KCNMB2: variants seen among roughly 807,000 people sequenced by gnomAD.
KCNMB2 encodes the protein calcium-activated potassium channel subunit beta-2.
In KCNMB2, 9 loss-of-function variants were observed where a neutral mutation model predicts 24.5. The observed-to-expected ratio is 0.37, with a 90% CI of 0.22 to 0.64. KCNMB2 has a LOEUF of 0.64. Among genes scored for constraint, KCNMB2 ranks in the 30% least tolerant of loss-of-function variants. KCNMB2 has a pLI of 0.63. For missense variants in KCNMB2, 226 were observed against 284.3 expected (o/e 0.79, Z 1.47); for synonymous variants, 109 against 104.4 (o/e 1.04, Z -0.27).
At chr3:178,585,765 T>C (rs1179279958) in intron 1 of KCNMB2, among the ~76,000 whole-genome samples, 1 of 152,196 alleles carries the variant, frequency 6.6e-6, no homozygotes, top group East Asian at 1.9e-4. Flanking sequence ...ATAATGCTAG[T>C]TTTCTAGGGC....
At chr3:178,748,662 T>C (rs1218845617) in intron 1 of KCNMB2, among the ~76,000 whole-genome samples, 3 of 152,246 alleles carry the variant, frequency 2.0e-5, no homozygotes, top group Non-Finnish European at 4.4e-5. Context: ...GGAAATATTC[T>C]GAACTTTATG....
intron 1 of KCNMB2, among the ~76,000 whole-genome samples, chr3:178,730,831 C>T (rs1272669756): frequency 6.6e-6 from 1 of 152,114 alleles, no homozygotes; most frequent in Non-Finnish European, 1.5e-5. Context: ...ACAGGCACCT[C>T]CTTGTCATTC....
chr3:178,653,529 G>A (rs9856616), intron 1 of KCNMB2, among the ~76,000 whole-genome samples: 37,721 of 151,928 alleles, frequency 0.25, 4,825 homozygotes, highest in Middle Eastern at 0.47. Flanking sequence ...CATTAAGTAC[G>A]ATGTTTGCTC....
intron 1 of KCNMB2, among the ~76,000 whole-genome samples, chr3:178,785,428 T>C (rs186902854): frequency 6.6e-6 from 1 of 151,970 alleles, no homozygotes; most frequent in East Asian, 1.9e-4. Context: ...AGAATGACAG[T>C]GAGGAATATT....
At chr3:178,769,528 C>G (rs1361489567) in intron 1 of KCNMB2, among the ~76,000 whole-genome samples, 1 of 151,988 alleles carries the variant, frequency 6.6e-6, no homozygotes, top group Non-Finnish European at 1.5e-5. Flanking sequence ...AGTAAGGTAC[C>G]CCAAAAGGTG....
intron 1 of KCNMB2, among the ~76,000 whole-genome samples, chr3:178,662,307 C>T (rs779472216): frequency 6.6e-6 from 1 of 152,106 alleles, no homozygotes; most frequent in Non-Finnish European, 1.5e-5. Context: ...ATTCAAGGAG[C>T]CATGTCATTA....
chr3:178,709,070 G>A (rs967512290), intron 1 of KCNMB2, among the ~76,000 whole-genome samples: 2 of 152,164 alleles, frequency 1.3e-5, no homozygotes, highest in Non-Finnish European at 2.9e-5. Context: ...CTATTTAGGG[G>A]AAGAAGAAGG....
intron 1 of KCNMB2, among the ~76,000 whole-genome samples, chr3:178,711,458 T>C (rs1175655000): frequency 6.6e-6 from 1 of 152,122 alleles, no homozygotes; most frequent in Non-Finnish European, 1.5e-5. Flanking sequence ...CATTGTGGCC[T>C]TGCGCTGTCT....
chr3:178,808,872 A>G (rs1398487449), intron 2 of KCNMB2, among the ~76,000 whole-genome samples: 3 of 152,162 alleles, frequency 2.0e-5, no homozygotes, highest in Non-Finnish European at 2.9e-5. Flanking sequence ...TGTTACCTTA[A>G]TTATGGAAAA....
At chr3:178,643,765 T>A (rs1719810288) in intron 1 of KCNMB2, among the ~76,000 whole-genome samples, 2 of 152,184 alleles carry the variant, frequency 1.3e-5, no homozygotes, top group African/African-American at 4.8e-5. Context: ...TTCTAGGTAC[T>A]TTCAAGGATT....
At chr3:178,563,200 T>A (rs375049909) in intron 1 of KCNMB2, among the ~76,000 whole-genome samples, 23 of 152,234 alleles carry the variant, frequency 1.5e-4, no homozygotes, top group East Asian at 1.3e-3. Flanking sequence ...ATTACAGATA[T>A]TTTAGCTTCT....
intron 1 of KCNMB2, among the ~76,000 whole-genome samples, chr3:178,732,253 G>C (rs1050831608): frequency 1.1e-4 from 16 of 152,214 alleles, no homozygotes; most frequent in African/African-American, 3.6e-4. Context: ...ATTGAAAATA[G>C]ATACTAATCT....
intron 1 of KCNMB2, among the ~76,000 whole-genome samples, chr3:178,768,901 T>C (rs1227395837): frequency 6.6e-6 from 1 of 152,218 alleles, no homozygotes; most frequent in African/African-American, 2.4e-5. Flanking sequence ...TTCCTTTAGT[T>C]TCACATGAGT....
chr3:178,557,706 G>A (rs1348982631), intron 1 of KCNMB2, among the ~76,000 whole-genome samples: 2 of 152,218 alleles, frequency 1.3e-5, no homozygotes, highest in Non-Finnish European at 2.9e-5. Context: ...GAGCTTTAGT[G>A]AAGGCTTTAA....
chr3:178,558,791 T>C (rs1716212536), intron 1 of KCNMB2: 1 of 152,218 alleles, frequency 6.6e-6, no homozygotes, highest in Non-Finnish European at 1.5e-5. Flanking sequence ...CTTCTCACAT[T>C]GTGTGCCAGG....
intron 1 of KCNMB2, among the ~76,000 whole-genome samples, chr3:178,760,402 G>GAT (rs1224748136): frequency 1.6e-5 from 2 of 124,886 alleles, no homozygotes; most frequent in East Asian, 2.2e-4. Flanking sequence ...CCATATCCAA[G>GAT]ATATATATAT....
intron 1 of KCNMB2, among the ~76,000 whole-genome samples, chr3:178,672,632 G>A (rs1324506630): frequency 6.6e-6 from 1 of 152,200 alleles, no homozygotes; most frequent in Non-Finnish European, 1.5e-5. Context: ...TGCTAACACT[G>A]ACTTCGTGAC....
intron 1 of KCNMB2, among the ~76,000 whole-genome samples, chr3:178,768,961 AG>A (rs1712236585): frequency 1.4e-5 from 1 of 74,056 alleles, no homozygotes; most frequent in Non-Finnish European, 3.1e-5. Flanking sequence ...TGCACGGTGA[AG>A]AAGTGATAGC....
chr3:178,642,451 G>C (rs1719761350), intron 1 of KCNMB2, among the ~76,000 whole-genome samples: 1 of 152,118 alleles, frequency 6.6e-6, no homozygotes, highest in East Asian at 1.9e-4. Flanking sequence ...GCACCACCCT[G>C]TGCTCCCCAC....
Sources: allele counts gnomAD v4.1 joint callset (sites outside exome capture counted in the v4.1 genomes callset), GRCh38; gene constraint gnomAD v4.1.1; transcripts MANE v1.5; gene names NCBI Gene and HGNC (gene_info 2026-07-23, HGNC 2026-07-21).